ADAM12: variants seen among roughly 807,000 people sequenced by gnomAD.
ADAM12 encodes the protein disintegrin and metalloproteinase domain-containing protein 12.
Under a neutral mutation model 106.4 loss-of-function variants are expected in ADAM12, and 70 were observed. That is an observed-to-expected ratio of 0.66 (90% CI 0.54 to 0.80). ADAM12 has a LOEUF of 0.80. ADAM12 is among the 30% of genes least tolerant of loss of function. The pLI, the probability that ADAM12 is intolerant of heterozygous loss-of-function variation, is 0.00. For synonymous variants in ADAM12, 420 were observed against 433.5 expected, an observed-to-expected ratio of 0.97 and a Z score of 0.39; for missense variants, 1,010 against 1,171.9, an observed-to-expected ratio of 0.86 and a Z score of 2.02.
At chr10:126,149,607 C>T (rs1676713) in intron 4 of ADAM12, among the ~76,000 whole-genome samples, 66,042 of 152,052 alleles carry the variant, frequency 0.43, 14,929 homozygotes, top group East Asian at 0.77. Context: ...GCTGCCAGCG[C>T]GGCTAGAATA....
intron 3 of ADAM12, among the ~76,000 whole-genome samples, chr10:126,237,407 T>C (rs1958440002): frequency 6.6e-6 from 1 of 152,182 alleles, no homozygotes; most frequent in South Asian, 2.1e-4. Context: ...CCAATTCAAC[T>C]ATCATTAACT....
chr10:126,188,783 CCAT>C (rs2133798267), intron 3 of ADAM12, among the ~76,000 whole-genome samples: 1 of 152,234 alleles, frequency 6.6e-6, no homozygotes, highest in South Asian at 2.1e-4. Context: ...ATCCATCTAT[CCAT>C]CATCCTTTCA....
intron 3 of ADAM12, among the ~76,000 whole-genome samples, chr10:126,158,405 G>T (rs1956861877): frequency 8.1e-6 from 1 of 122,784 alleles, no homozygotes; most frequent in African/African-American, 2.9e-5. Flanking sequence ...AGGATGCACA[G>T]AGCACGGAGA....
At chr10:126,152,429 T>C (rs1956744292) in intron 4 of ADAM12, among the ~76,000 whole-genome samples, 1 of 152,068 alleles carries the variant, frequency 6.6e-6, no homozygotes, top group Non-Finnish European at 1.5e-5. Context: ...TGCTAGCATA[T>C]ACAGTTTCAA....
At chr10:126,358,397 T>A (rs1205726563) in intron 1 of ADAM12, among the ~76,000 whole-genome samples, 1 of 152,128 alleles carries the variant, frequency 6.6e-6, no homozygotes, top group Non-Finnish European at 1.5e-5. Context: ...ACAAAAACCA[T>A]GTGATCATCT....
intron 3 of ADAM12, among the ~76,000 whole-genome samples, chr10:126,226,979 G>T (rs1442008932): frequency 5.3e-5 from 8 of 152,038 alleles, no homozygotes; most frequent in African/African-American, 1.9e-4. Flanking sequence ...GAAAATAACT[G>T]CTTATCGTAC....
At chr10:126,317,716 T>A (rs1036489354) in intron 2 of ADAM12, among the ~76,000 whole-genome samples, 1 of 152,166 alleles carries the variant, frequency 6.6e-6, no homozygotes, top group African/African-American at 2.4e-5. Flanking sequence ...TATAGGTACA[T>A]CCATAAAGAG....
intron 1 of ADAM12, among the ~76,000 whole-genome samples, chr10:126,343,661 C>T (rs1165813390): frequency 6.6e-6 from 1 of 152,148 alleles, no homozygotes; most frequent in East Asian, 1.9e-4. Context: ...TAAAAGTATT[C>T]CTATTTCTCC....
intron 1 of ADAM12, among the ~76,000 whole-genome samples, chr10:126,373,830 G>C (rs1856192538): frequency 6.6e-6 from 1 of 152,220 alleles, no homozygotes. Context: ...TTCCTAGCCA[G>C]AGCATCCACC....
chr10:126,061,751 G>A (rs1301778606), intron 14 of ADAM12, among the ~76,000 whole-genome samples: 1 of 152,152 alleles, frequency 6.6e-6, no homozygotes, highest in African/African-American at 2.4e-5. Context: ...CTAAAAGTTG[G>A]GAAAGGCAAG....
chr10:126,051,805 G>A (rs564411841), intron 14 of ADAM12, among the ~76,000 whole-genome samples: 1 of 152,184 alleles, frequency 6.6e-6, no homozygotes, highest in African/African-American at 2.4e-5. Flanking sequence ...CTTGAAAATT[G>A]CAAGGAGACA....
intron 3 of ADAM12, among the ~76,000 whole-genome samples, chr10:126,173,327 G>T (rs1957153935): frequency 6.6e-6 from 1 of 152,202 alleles, no homozygotes; most frequent in South Asian, 2.1e-4. Context: ...ACCTCAGAAA[G>T]GGGAGAACCA....
At chr10:126,348,505 A>G (rs1286554862) in intron 1 of ADAM12, among the ~76,000 whole-genome samples, 1 of 152,188 alleles carries the variant, frequency 6.6e-6, no homozygotes, top group East Asian at 1.9e-4. Context: ...TGTGGGAACA[A>G]ATGCAAGAGG....
At chr10:126,387,187 A>G (rs1856692947) in intron 1 of ADAM12, among the ~76,000 whole-genome samples, 1 of 152,184 alleles carries the variant, frequency 6.6e-6, no homozygotes, top group Non-Finnish European at 1.5e-5. Flanking sequence ...CGGCAGAAAG[A>G]AGGCGGCGGC....
chr10:126,198,791 C>G (rs903517501), intron 3 of ADAM12, among the ~76,000 whole-genome samples: 5 of 152,214 alleles, frequency 3.3e-5, no homozygotes, highest in Admixed American at 2.6e-4. Context: ...TTAAACCCCA[C>G]CAAATTTCAT....
chr10:126,355,872 T>C (rs137871558), intron 1 of ADAM12, among the ~76,000 whole-genome samples: 361 of 152,266 alleles, frequency 2.4e-3, no homozygotes, highest in African/African-American at 8.1e-3. Flanking sequence ...GCAAACAGCA[T>C]AGCACACCTG....
intron 4 of ADAM12, among the ~76,000 whole-genome samples, chr10:126,140,764 T>C (rs1298681163): frequency 6.6e-6 from 1 of 152,254 alleles, no homozygotes; most frequent in Non-Finnish European, 1.5e-5. Flanking sequence ...TGAGTTTTTA[T>C]AACATAAGTC....
At chr10:126,137,059 T>C (rs1956418370) in intron 4 of ADAM12, among the ~76,000 whole-genome samples, 1 of 152,196 alleles carries the variant, frequency 6.6e-6, no homozygotes, top group Admixed American at 6.5e-5. Context: ...TTTTCTTCTA[T>C]CTTTATAGTC....
At chr10:126,359,850 T>G (rs1204409211) in intron 1 of ADAM12, among the ~76,000 whole-genome samples, 1 of 152,182 alleles carries the variant, frequency 6.6e-6, no homozygotes, top group Non-Finnish European at 1.5e-5. Context: ...CACATTTCCC[T>G]TTCGCACTGC....
Sources: gnomAD v4.1 joint callset for allele counts (sites outside exome capture counted in the v4.1 genomes callset) on GRCh38, gnomAD v4.1.1 for gene constraint, MANE v1.5 for transcripts, NCBI Gene and HGNC (gene_info 2026-07-23, HGNC 2026-07-21) for gene names.